Variants in FHIT observed in about 807,000 individuals in gnomAD.
FHIT encodes bis(5'-adenosyl)-triphosphatase.
Under a neutral mutation model 17.9 loss-of-function variants are expected in FHIT, and 19 were observed. That is an observed-to-expected ratio of 1.06 (90% CI 0.74 to 1.56). The LOEUF is 1.56. Among genes scored for constraint, FHIT ranks in the 40% most tolerant of loss-of-function variants. The pLI is 0.00. For missense variants in FHIT, 248 were observed against 189.2 expected (o/e 1.31, Z -1.82); for synonymous variants, 81 against 69.7 (o/e 1.16, Z -0.81).
intron 8 of FHIT, among the ~76,000 whole-genome samples, chr3:59,778,499 A>T (rs1034029796): frequency 4.6e-5 from 7 of 152,214 alleles, no homozygotes; most frequent in African/African-American, 1.4e-4. Context: ...GTTTTACTGT[A>T]AAGGGCCAGA....
intron 2 of FHIT, among the ~76,000 whole-genome samples, chr3:61,141,096 G>A (rs1179113016): frequency 6.6e-6 from 1 of 151,884 alleles, no homozygotes; most frequent in Non-Finnish European, 1.5e-5. Context: ...ACAGTCATCT[G>A]ATCACCTTTC....
rs552535554 is a variant in FHIT, at chr3:60,418,064, T to C, written c.103+118796A>G. 5.1e-4 allele frequency among the ~76,000 whole-genome samples: 77 copies of C among 152,214 alleles called. 1 individual carries two copies. Among genetic ancestry groups the C allele is most frequent in the African/African-American group, 1.8e-3 (74 of 41,546 alleles). ...AGGTTTAGATTTTATGGCACATAAA[T>C]GGGCCTCTTGTTGCAATTAATATTA... On this transcript the variant is annotated intron_variant, in intron 5 of 9. Transcript: ENST00000492590.
intron 4 of FHIT, among the ~76,000 whole-genome samples, chr3:60,568,384 A>C (rs1283648112): frequency 6.6e-6 from 1 of 151,872 alleles, no homozygotes; most frequent in East Asian, 1.9e-4. Flanking sequence ...GCGTGTTCTC[A>C]CTCATAGGTG....
At chr3:60,668,715 C>A (rs2107838462) in intron 4 of FHIT, among the ~76,000 whole-genome samples, 1 of 152,186 alleles carries the variant, frequency 6.6e-6, no homozygotes, top group East Asian at 1.9e-4. Context: ...GTGCCCACCA[C>A]TACGCCTGGC....
intron 5 of FHIT, among the ~76,000 whole-genome samples, chr3:60,319,010 C>T (rs191781643): frequency 2.0e-5 from 3 of 152,226 alleles, no homozygotes; most frequent in African/African-American, 7.2e-5. Flanking sequence ...CTCTCTGATT[C>T]TGACCTTCCT....
chr3:60,668,593 G>A (rs1005317266), intron 4 of FHIT, among the ~76,000 whole-genome samples: 19 of 121,878 alleles, frequency 1.6e-4, no homozygotes, highest in Admixed American at 5.7e-4. Flanking sequence ...ACGGAATCTC[G>A]CTCTGTCGCC....
chr3:60,322,529 T>G (rs1006229732), intron 5 of FHIT, among the ~76,000 whole-genome samples: 2 of 152,188 alleles, frequency 1.3e-5, no homozygotes, highest in Non-Finnish European at 2.9e-5. Context: ...TTCACTGACT[T>G]TTACAGGTTC....
chr3:61,132,819 A>G (rs546462885), intron 2 of FHIT, among the ~76,000 whole-genome samples: 18 of 152,230 alleles, frequency 1.2e-4, no homozygotes, highest in Non-Finnish European at 2.5e-4. Context: ...TGGAAGCACA[A>G]GGGAGCTATC....
chr3:60,942,460 T>C (rs369866915), intron 3 of FHIT, among the ~76,000 whole-genome samples: 5 of 152,268 alleles, frequency 3.3e-5, no homozygotes, highest in African/African-American at 1.2e-4. Flanking sequence ...TTCAAGAGTA[T>C]GGCCATAAAG....
At chr3:59,870,779 T>C (rs1230998402) in intron 8 of FHIT, among the ~76,000 whole-genome samples, 2 of 152,164 alleles carry the variant, frequency 1.3e-5, no homozygotes, top group Admixed American at 6.5e-5. Flanking sequence ...TTTTCCCTGT[T>C]ATTGCTAGAA....
chr3:60,223,284 G>T (rs1704045551), intron 5 of FHIT, among the ~76,000 whole-genome samples: 1 of 152,098 alleles, frequency 6.6e-6, no homozygotes, highest in South Asian at 2.1e-4. Flanking sequence ...TGCAGGGGAG[G>T]ACCCAGGTAC....
At chr3:60,376,818 T>C (rs1700580497) in intron 5 of FHIT, among the ~76,000 whole-genome samples, 2 of 152,204 alleles carry the variant, frequency 1.3e-5, no homozygotes. Context: ...ATTAAAATAA[T>C]ACCATACACG....
At position 59,969,782 on chromosome 3, in the gene FHIT, A is replaced by G. The variant is rs545809647; in HGVS notation, c.279+41589T>C. ...CACTAATATTTCCAGCAGCCCCTCA[A>G]AAGCGAGATATTTTCTTGAAAGTAA... is the stretch of plus-strand genomic sequence containing the variant. On this transcript the variant is annotated intron_variant, in intron 7 of 9. Coordinates refer to ENST00000492590, the MANE Select transcript of FHIT (RefSeq NM_002012.4). 5.9e-5 allele frequency among the ~76,000 whole-genome samples: 9 copies of G among 152,218 alleles called. No individual in the cohort carries two copies. The East Asian group carries it at 1.7e-3, about 29-fold the overall frequency.
chr3:59,978,851 G>A (rs1293357861), intron 7 of FHIT, among the ~76,000 whole-genome samples: 1 of 151,760 alleles, frequency 6.6e-6, no homozygotes, highest in South Asian at 2.1e-4. Flanking sequence ...GGATATTTGT[G>A]AGACTATATT....
intron 5 of FHIT, among the ~76,000 whole-genome samples, chr3:60,081,882 G>T (rs1703300360): frequency 6.6e-6 from 1 of 150,620 alleles, no homozygotes; most frequent in Admixed American, 6.6e-5. Flanking sequence ...AAAGAAAGAG[G>T]AAGTACAATA....
chr3:60,179,364 A>G (rs80299283), intron 5 of FHIT, among the ~76,000 whole-genome samples: 2,516 of 152,314 alleles, frequency 0.017, 32 homozygotes, highest in Non-Finnish European at 0.026. Flanking sequence ...CACACTATGC[A>G]TACTTCTATA....
chr3:60,436,828 G>C (rs2030295689), intron 5 of FHIT, among the ~76,000 whole-genome samples: 1 of 151,992 alleles, frequency 6.6e-6, no homozygotes, highest in Non-Finnish European at 1.5e-5. Flanking sequence ...ACAAAGTATG[G>C]ATTTTTAAAA....
chr3:60,904,586 G>A (rs534534048), intron 3 of FHIT, among the ~76,000 whole-genome samples: 1 of 152,058 alleles, frequency 6.6e-6, no homozygotes, highest in African/African-American at 2.4e-5. Flanking sequence ...TTAAGTGCAT[G>A]ATAGGAGAAA....
chr3:59,751,837 C>T, intron 9 of FHIT: 1 of 241,686 alleles, frequency 4.1e-6, no homozygotes, highest in Non-Finnish European at 8.0e-6. Context: ...TGCAGACAGA[C>T]TTGAGCCTAA....
Sources: gnomAD v4.1 joint callset for allele counts (sites outside exome capture counted in the v4.1 genomes callset) on GRCh38, gnomAD v4.1.1 for gene constraint, MANE v1.5 for transcripts, NCBI Gene and HGNC (gene_info 2026-07-23, HGNC 2026-07-21) for gene names.